The following SMAD2 variants were observed in gnomAD, a reference collection of about 807,000 sequenced individuals.
SMAD2 encodes MAD homolog 2.
In SMAD2, 8 loss-of-function variants were observed where a neutral mutation model predicts 64.4. The observed-to-expected ratio is 0.12, with a 90% confidence interval of 0.07 to 0.22. The LOEUF (loss-of-function observed/expected upper bound fraction) is 0.22, where lower values mean the gene tolerates loss of function less well. Among genes scored for constraint, SMAD2 ranks in the 10% least tolerant of loss-of-function variants. The pLI, the probability that SMAD2 is intolerant of heterozygous loss-of-function variation, is 1.00. For synonymous variants in SMAD2, 203 were observed against 195.8 expected, an observed-to-expected ratio of 1.04 and a Z score of -0.31; for missense variants, 289 against 561.2, an observed-to-expected ratio of 0.51 and a Z score of 4.90.
In SMAD2 at chr18:47,863,266, C is replaced by A. The variant is rs549362019; in HGVS notation, c.730+1793G>T. Among the ~76,000 whole-genome samples, 160 of 152,276 alleles carry A rather than the reference C, an allele frequency of 1.1e-3. 1 individual carries two copies. The highest frequency in any genetic ancestry group is 3.4e-3 in the Middle Eastern group (1 of 294). ...ATTGGGTAAGAGGCTGGCAGCCAAA[C>A]TAACTGTTGGCATCTCATGAATCAC... On this transcript the variant is annotated intron_variant, in intron 6 of 10. Transcript: ENST00000262160.
chr18:47,890,290 A>G (rs1490739621), intron 2 of SMAD2, among the ~76,000 whole-genome samples: 9 of 152,220 alleles, frequency 5.9e-5, no homozygotes, highest in Non-Finnish European at 1.2e-4. Context: ...CCATAACCTC[A>G]AAGTTCTAAT....
chr18:47,911,694 C>T (rs1034963568), intron 1 of SMAD2, among the ~76,000 whole-genome samples: 1 of 152,108 alleles, frequency 6.6e-6, no homozygotes. Context: ...GTGAGGTTTG[C>T]ATAGAATTAG....
intron 1 of SMAD2, 30 bp from the exon 2 acceptor site, chr18:47,896,839 A>G: frequency 1.3e-6 from 2 of 1,543,340 alleles, no homozygotes; most frequent in Non-Finnish European, 1.7e-6. Flanking sequence ...GATGATGTAG[A>G]GACTACCTTG....
chr18:47,836,284 A>C lies in SMAD2; in HGVS notation c.*5543T>G, dbSNP rs1391689943. 1 of 223,518 alleles carries C rather than the reference A, an allele frequency of 4.5e-6. No homozygotes were observed. Among genetic ancestry groups the C allele is most frequent in the Non-Finnish European group, 8.9e-6 (1 of 112,086 alleles). The allele number at this position is 223,518 out of a possible 1,614,324, so 13.8% of individuals were successfully genotyped here. A position where few individuals can be genotyped will look rare whatever the true frequency, so the allele number is the denominator to read the frequency against. ...AAGAGGGAGCAATCTAGTATTATCA[A>C]CAACAACAAAGTTAACCCTAAGTTA... On this transcript the variant is annotated 3_prime_UTR_variant, in exon 11 of 11. Transcript: ENST00000262160.
rs958112172 is a variant in SMAD2 at position 47,837,958 on chromosome 18, G to C, written c.*3869C>G. ...TAAACCTACGCCACCCTCAGACGAA[G>C]AGGGTATCTAACACTGAATAAATGC... On this transcript the variant is annotated 3_prime_UTR_variant, in exon 11 of 11. Transcript: ENST00000262160. 3.9e-5 allele frequency: 9 copies of C among 232,648 alleles called. No homozygotes were observed. The highest frequency in any genetic ancestry group is 2.0e-4 in the African/African-American group (9 of 45,282). The allele number at this position is 232,648 out of a possible 1,614,324, so 14.4% of individuals were successfully genotyped here. A position where few individuals can be genotyped will look rare whatever the true frequency, so the allele number is the denominator to read the frequency against.
chr18:47,919,317 G>A (rs2034461210), intron 1 of SMAD2, among the ~76,000 whole-genome samples: 1 of 151,888 alleles, frequency 6.6e-6, no homozygotes, highest in Non-Finnish European at 1.5e-5. Context: ...GGAAGGTCCT[G>A]AAGAATATGT....
rs1330050407 is a variant in SMAD2, at chr18:47,829,007, G to A, written c.*12820C>T. 6.7e-6 allele frequency: 1 copy of A among 149,778 alleles called. No homozygotes were observed. Among genetic ancestry groups the A allele is most frequent in the Non-Finnish European group, 1.5e-5 (1 of 67,660 alleles). 9.3% of individuals were successfully genotyped at this position (149,778 alleles called of 1,614,324 possible). A position where few individuals can be genotyped will look rare whatever the true frequency, so the allele number is the denominator to read the frequency against. ...ACCAAAGACTGTGCTATTATGGGGT[G>A]GAGAAAAGTATCACAATTTTGGTAA... is the stretch of plus-strand genomic sequence containing the variant. On this transcript the variant is annotated 3_prime_UTR_variant, in exon 11 of 11. Coordinates refer to ENST00000262160, the MANE Select transcript of SMAD2 (RefSeq NM_005901.6).
At chr18:47,912,998 C>G (rs1429159981) in intron 1 of SMAD2, among the ~76,000 whole-genome samples, 1 of 151,734 alleles carries the variant, frequency 6.6e-6, no homozygotes, top group Admixed American at 6.6e-5. Flanking sequence ...CAGCTCACTG[C>G]AACCTCCACC....
At chr18:47,848,760 A>C (rs999491033) in intron 7 of SMAD2, 73 bp from the exon 8 acceptor site, 9 of 1,070,288 alleles carry the variant, frequency 8.4e-6, no homozygotes, top group Admixed American at 2.0e-5. Context: ...AATAGATTTA[A>C]TATAATCATC....
At chr18:47,925,959 C>G (rs1463748903) in intron 1 of SMAD2, among the ~76,000 whole-genome samples, 1 of 152,212 alleles carries the variant, frequency 6.6e-6, no homozygotes, top group Non-Finnish European at 1.5e-5. Context: ...CGAGCATACT[C>G]TATCTCAAAA....
At position 47,841,203 on chromosome 18, in the gene SMAD2, C is replaced by A. The variant is rs1010346594; in HGVS notation, c.*624G>T. 4.3e-6 allele frequency: 1 copy of A among 231,982 alleles called. No individual in the cohort carries two copies. The highest frequency in any genetic ancestry group is 6.0e-5 in the East Asian group (1 of 16,572). The allele number at this position is 231,982 out of a possible 1,614,324, so 14.4% of individuals were successfully genotyped here. A position where few individuals can be genotyped will look rare whatever the true frequency, so the allele number is the denominator to read the frequency against. ...AAAAAGAATGACTGTTTAAGCCCCACTGAACACATTAAGGTCAAGGATTTC... is the reference window on the plus strand; with the variant it reads ...AAAAAGAATGACTGTTTAAGCCCCAATGAACACATTAAGGTCAAGGATTTC... On this transcript the variant is annotated 3_prime_UTR_variant, in exon 11 of 11. Transcript: ENST00000262160.
At position 47,839,141 on chromosome 18, in the gene SMAD2, TA is replaced by T; in HGVS notation, c.*2685del. On this transcript the variant is annotated 3_prime_UTR_variant, in exon 11 of 11. Transcript: ENST00000262160. Reference sequence around the variant, plus strand: ...CAGGAAGTAAACTGCTCAACAGGTATAACTGCTCAATAGGTGTTTTCAAAGA... The same window carrying T: ...CAGGAAGTAAACTGCTCAACAGGTATACTGCTCAATAGGTGTTTTCAAAGA... 4.3e-6 allele frequency: 1 copy of T among 233,348 alleles called. No individual in the cohort carries two copies. Among genetic ancestry groups the T allele is most frequent in the Non-Finnish European group, 8.5e-6 (1 of 118,048 alleles). 14.5% of individuals were successfully genotyped at this position (233,348 alleles called of 1,614,324 possible).
chr18:47,899,107 C>A (rs1539872), intron 1 of SMAD2, among the ~76,000 whole-genome samples: 84,792 of 151,864 alleles, frequency 0.56, 24,120 homozygotes, highest in East Asian at 0.85. Flanking sequence ...GGAAGAATAG[C>A]TATTAGGGAC....
Position 47,820,603 on chromosome 18 carries a change from A to G in SMAD2, c.*21224T>C, listed in dbSNP as rs1025646927. 3.3e-5 allele frequency: 5 copies of G among 152,188 alleles called. No homozygotes were observed. Among genetic ancestry groups the G allele is most frequent in the Admixed American group, 6.5e-5 (1 of 15,280 alleles). The allele number at this position is 152,188 out of a possible 1,614,324, so 9.4% of individuals were successfully genotyped here. A position where few individuals can be genotyped will look rare whatever the true frequency, so the allele number is the denominator to read the frequency against. On this transcript the variant is annotated 3_prime_UTR_variant, in exon 11 of 11. Transcript: ENST00000262160. ...GAATAATTCTGTATGAGTCTTGCAT[A>G]GTAACTTTTTATCCTAAAGCAGGAT... is the stretch of plus-strand genomic sequence containing the variant.
chr18:47,850,811 A>AAT (rs1555646754), intron 7 of SMAD2, among the ~76,000 whole-genome samples: 6 of 4,202 alleles, frequency 1.4e-3, no homozygotes, highest in Admixed American at 3.0e-3. Context: ...TATTATGTAT[A>AAT]ATATATTATA....
Position 47,838,253 on chromosome 18 carries a change from C to A in SMAD2, c.*3574G>T, listed in dbSNP as rs1913621799. 1 of 233,060 alleles carries A rather than the reference C, an allele frequency of 4.3e-6. No homozygotes were observed. Among genetic ancestry groups the A allele is most frequent in the South Asian group, 1.8e-4 (1 of 5,516 alleles). The allele number at this position is 233,060 out of a possible 1,614,324, so 14.4% of individuals were successfully genotyped here. On this transcript the variant is annotated 3_prime_UTR_variant, in exon 11 of 11. Transcript: ENST00000262160. ...AAAGACAGACAAATCAAGCAAAACT[C>A]AATGTGGCTTAAGGTAAAAAATACA...
chr18:47,903,885 G>C (rs909515803), intron 1 of SMAD2, among the ~76,000 whole-genome samples: 2 of 135,232 alleles, frequency 1.5e-5, no homozygotes, highest in Non-Finnish European at 3.2e-5. Context: ...GTGGGGGGGG[G>C]GGGGACTCAG....
chr18:47,918,273 A>T (rs1335597076), intron 1 of SMAD2, among the ~76,000 whole-genome samples: 1 of 152,200 alleles, frequency 6.6e-6, no homozygotes, highest in East Asian at 1.9e-4. Context: ...GTGAATGAAC[A>T]TGAGCACGCT....
intron 5 of SMAD2, among the ~76,000 whole-genome samples, chr18:47,866,316 CAAA>C (rs34302955): frequency 2.9e-4 from 12 of 42,100 alleles, no homozygotes; most frequent in Non-Finnish European, 4.6e-4. Context: ...AACACCGTCT[CAAA>C]AAAAAAAAAA....
Sources: gnomAD v4.1 joint callset for allele counts (sites outside exome capture counted in the v4.1 genomes callset) on GRCh38, gnomAD v4.1.1 for gene constraint, MANE v1.5 for transcripts, NCBI Gene and HGNC (gene_info 2026-07-23, HGNC 2026-07-21) for gene names.